PSMB1: variants seen among roughly 807,000 people sequenced by gnomAD.
PSMB1 encodes proteasome 20S subunit beta 1.
In PSMB1, 7 loss-of-function variants were observed where a neutral mutation model predicts 25.4. The observed-to-expected ratio is 0.28, with a 90% confidence interval of 0.16 to 0.52. The LOEUF is 0.52. PSMB1 is among the 20% of genes least tolerant of loss of function. The probability of loss-of-function intolerance (pLI) is 0.97; values close to 1 mark genes in which losing one functional copy is unlikely to be tolerated. For synonymous variants in PSMB1, 119 were observed against 115.0 expected (o/e 1.03, Z -0.22); for missense variants, 284 against 302.2 (o/e 0.94, Z 0.45).
chr6:170,546,226 T>C, intron 2 of PSMB1, 42 bp from the exon 3 acceptor site: 10 of 1,510,130 alleles, frequency 6.6e-6, no homozygotes, highest in Non-Finnish European at 9.2e-6. Flanking sequence ...GGTTAGATAG[T>C]AGAGCAAAAC....
chr6:170,544,462 T>C (rs6932750), intron 3 of PSMB1, among the ~76,000 whole-genome samples: 75,646 of 151,954 alleles, frequency 0.5, 19,247 homozygotes, highest in East Asian at 0.78. Flanking sequence ...GAGCCCTACA[T>C]TACCCACTGG....
chr6:170,536,280 G>A (rs767521523), intron 5 of PSMB1: 1 of 425,434 alleles, frequency 2.4e-6, no homozygotes, highest in Non-Finnish European at 4.6e-6. Context: ...GTAGATACTA[G>A]CTATTTTATC....
At chr6:170,543,517 T>C (rs1778780696) in intron 4 of PSMB1, 84 bp downstream of exon 4, 4 of 1,293,026 alleles carry the variant, frequency 3.1e-6, no homozygotes, top group South Asian at 1.7e-5. Flanking sequence ...GTATTTATGG[T>C]TCTTTTCAAC....
chr6:170,537,458 A>T, intron 4 of PSMB1, 118 bp from the exon 5 acceptor site: 1 of 743,884 alleles, frequency 1.3e-6, no homozygotes, highest in East Asian at 2.8e-5. Flanking sequence ...CTAAAACTTC[A>T]GGGAACAGTT....
chr6:170,551,911 TAAGG>T (rs1309981912), intron 1 of PSMB1, among the ~76,000 whole-genome samples: 1 of 152,188 alleles, frequency 6.6e-6, no homozygotes, highest in Non-Finnish European at 1.5e-5. Context: ...ATGAAGCTAC[TAAGG>T]AAGATAAGGA....
intron 4 of PSMB1, 54 bp downstream of exon 4, chr6:170,543,547 C>T: frequency 1.3e-6 from 2 of 1,496,662 alleles, no homozygotes; most frequent in Non-Finnish European, 1.8e-6. Context: ...ATACACACAT[C>T]TAGGGAATAA....
At chr6:170,549,860 TG>T (rs1240819831) in intron 1 of PSMB1, 1 of 152,234 alleles carries the variant, frequency 6.6e-6, no homozygotes, top group Non-Finnish European at 1.5e-5. Context: ...GTCCCTGACA[TG>T]TAACTGGTCC....
rs1022833476 is a variant in PSMB1, at chr6:170,553,221, A to C, written c.22T>G (p.Tyr8Asp). MLSSTAM[Y>D]SAPGRDLGME... The stretch of plus-strand genomic sequence containing the variant: ...CCCAAGTCTCTGCCAGGAGCCGAAT[A>C]CATGGCTGTAGAGGACAACATCGCA... Residue 8 changes from tyrosine (Y) to aspartate (D), a missense_variant, in exon 1 of 6, where the codon TAT (tyrosine) becomes GAT (aspartate). Physicochemically the swap from Tyr to Asp is radical, Grantham distance 160. Coordinates refer to ENST00000262193, the MANE Select transcript of PSMB1 (RefSeq NM_002793.4). 6.2e-7 allele frequency: 1 copy of C among 1,613,252 alleles called. No individual in the cohort carries two copies. Among genetic ancestry groups the C allele is most frequent in the Admixed American group, 1.7e-5 (1 of 59,920 alleles).
chr6:170,543,270 A>C (rs148683944), intron 4 of PSMB1, among the ~76,000 whole-genome samples: 53 of 152,292 alleles, frequency 3.5e-4, no homozygotes, highest in African/African-American at 1.2e-3. Context: ...TTAATAAAAA[A>C]ATTTTCAATA....
At chr6:170,552,920 C>G (rs1778931018) in intron 1 of PSMB1, among the ~76,000 whole-genome samples, 1 of 152,372 alleles carries the variant, frequency 6.6e-6, no homozygotes, top group South Asian at 2.1e-4. Context: ...ATCGCAATCA[C>G]CAAGTAAACT....
intron 1 of PSMB1, among the ~76,000 whole-genome samples, 183 bp downstream of exon 1, chr6:170,552,947 G>A (rs986178547): frequency 6.6e-6 from 1 of 152,264 alleles, no homozygotes; most frequent in Non-Finnish European, 1.5e-5. Flanking sequence ...AAGCGAGCCT[G>A]AAGAGGGAAA....
intron 3 of PSMB1, among the ~76,000 whole-genome samples, chr6:170,544,496 A>G (rs770738969): frequency 1.2e-4 from 19 of 152,240 alleles, no homozygotes; most frequent in Non-Finnish European, 2.6e-4. Context: ...CAAAAATTAT[A>G]AACATAAAAT....
rs1778815692 is a variant in PSMB1, at chr6:170,546,168, T to C, written c.238A>G (p.Ile80Val). 6.2e-7 allele frequency: 1 copy of C among 1,613,978 alleles called. No homozygotes were observed. The highest frequency in any genetic ancestry group is 8.5e-7 in the Non-Finnish European group (1 of 1,179,896). The change falls in exon 3 of 6, where the codon ATT becomes GTT. Residue 80 changes from isoleucine (I) to valine (V), a missense_variant. Physicochemically the swap from Ile to Val is conservative, Grantham distance 29. Coordinates refer to ENST00000262193, the MANE Select transcript of PSMB1 (RefSeq NM_002793.4). ...TCTCCATGAAAACCGCTGCATCCAA[T>C]GACTGTTTTGTCTGTTCTGTAAAAA... ...KCYKLTDKTV[I>V]GCSGFHGDCL...
At chr6:170,550,206 CAAG>C (rs1390009140) in intron 1 of PSMB1, 2 of 152,116 alleles carry the variant, frequency 1.3e-5, no homozygotes, top group African/African-American at 4.8e-5. Flanking sequence ...CTAAAGCTCT[CAAG>C]AAGAAAAGGA....
chr6:170,543,797 A>G, intron 3 of PSMB1, 67 bp from the exon 4 acceptor site: 1 of 1,406,902 alleles, frequency 7.1e-7, no homozygotes. Flanking sequence ...AACAATCAAC[A>G]GTATAAAGTG....
rs143567317 is a variant in PSMB1 at position 170,546,615 on chromosome 6, G to A, written c.222-431C>T. Among the ~76,000 whole-genome samples the A allele has an allele frequency of 3.8e-3, 578 of 152,166 alleles. 4 individuals carry two copies. The highest frequency in any genetic ancestry group is 0.012 in the African/African-American group (518 of 41,508). On this transcript the variant is annotated intron_variant, in intron 2 of 5. Transcript: ENST00000262193. ...CAAGTATCTGGGATTACAGGCACCC[G>A]CCACCACACCCAGCTGATTTTTGTA...
chr6:170,552,158 C>T (rs1172727671), intron 1 of PSMB1, among the ~76,000 whole-genome samples: 1 of 152,228 alleles, frequency 6.6e-6, no homozygotes. Flanking sequence ...AAGCGATGAT[C>T]CTCCTGCCTT....
At chr6:170,549,291 G>T in intron 1 of PSMB1, 178 bp from the exon 2 acceptor site, 1 of 494,728 alleles carries the variant, frequency 2.0e-6, no homozygotes, top group East Asian at 3.1e-5. Context: ...GAGTTGTCTG[G>T]GAAAAAAAAA....
intron 5 of PSMB1, among the ~76,000 whole-genome samples, chr6:170,536,694 A>T (rs1187239378): frequency 6.6e-6 from 1 of 152,232 alleles, no homozygotes; most frequent in Non-Finnish European, 1.5e-5. Context: ...CATAATACAT[A>T]TGTAAAATAC....
Sources: allele counts gnomAD v4.1 joint callset (sites outside exome capture counted in the v4.1 genomes callset), GRCh38; gene constraint gnomAD v4.1.1; transcripts MANE v1.5; gene names NCBI Gene and HGNC (gene_info 2026-07-23, HGNC 2026-07-21).